RGS7: variants seen among roughly 807,000 people sequenced by gnomAD.
The protein encoded by RGS7 is regulator of G-protein signaling 7.
Under a neutral mutation model 81.1 loss-of-function variants are expected in RGS7, and 27 were observed. The observed-to-expected ratio is 0.33, with a 90% CI of 0.25 to 0.46. The LOEUF (loss-of-function observed/expected upper bound fraction) is 0.46. Among genes scored for constraint, RGS7 ranks in the 20% least tolerant of loss-of-function variants. The probability of loss-of-function intolerance (pLI) is 1.00; values close to 1 mark genes in which losing one functional copy is unlikely to be tolerated. For synonymous variants in RGS7, 208 were observed against 207.7 expected (o/e 1.00, Z -0.01); for missense variants, 396 against 607.4 (o/e 0.65, Z 3.66).
chr1:240,863,517 G>A (rs1315519976), intron 9 of RGS7, among the ~76,000 whole-genome samples: 1 of 152,086 alleles, frequency 6.6e-6, no homozygotes, highest in East Asian at 1.9e-4. Context: ...GATCCTTTTT[G>A]AAATAATAAC....
intron 6 of RGS7, among the ~76,000 whole-genome samples, chr1:240,917,374 T>C (rs573649506): frequency 1.4e-4 from 22 of 152,170 alleles, no homozygotes; most frequent in Non-Finnish European, 2.9e-4. Context: ...AGTTTCTTAA[T>C]TGATCTGATG....
chr1:241,058,566 T>C (rs1039954641), intron 3 of RGS7, among the ~76,000 whole-genome samples: 1 of 152,216 alleles, frequency 6.6e-6, no homozygotes, highest in Non-Finnish European at 1.5e-5. Context: ...AGCCGGTAAC[T>C]TGGGTACCCG....
intron 3 of RGS7, among the ~76,000 whole-genome samples, chr1:240,999,767 A>ATTT (rs35973386): frequency 3.5e-5 from 5 of 144,442 alleles, no homozygotes; most frequent in African/African-American, 1.1e-4. Flanking sequence ...CGCTCGGCTA[A>ATTT]TTTTTTTTTT....
intron 2 of RGS7, among the ~76,000 whole-genome samples, chr1:241,315,307 A>G (rs1573636707): frequency 6.6e-6 from 1 of 150,534 alleles, no homozygotes; most frequent in Admixed American, 6.6e-5. Context: ...ATTAAAGTGG[A>G]CCTCCTACAC....
intron 2 of RGS7, among the ~76,000 whole-genome samples, chr1:241,273,183 C>CT (rs1553305840): frequency 1.6e-5 from 1 of 61,780 alleles, no homozygotes; most frequent in African/African-American, 3.4e-5. Flanking sequence ...GAACCCCCCC[C>CT]CCCAAAGGAT....
chr1:241,191,924 G>A (rs1192660489), intron 2 of RGS7, among the ~76,000 whole-genome samples: 1 of 152,218 alleles, frequency 6.6e-6, no homozygotes, highest in Non-Finnish European at 1.5e-5. Context: ...TAACAGAGAT[G>A]TAAATTCAGG....
At chr1:241,343,429 A>G (rs2082697253) in intron 2 of RGS7, among the ~76,000 whole-genome samples, 1 of 152,210 alleles carries the variant, frequency 6.6e-6, no homozygotes, top group African/African-American at 2.4e-5. Context: ...CCAACTGCCC[A>G]TTGTTAAATG....
Position 240,797,598 on chromosome 1 carries a change from C to T in RGS7, c.*6+3043G>A, listed in dbSNP as rs572299228. On this transcript the variant is annotated intron_variant, in intron 18 of 18. Coordinates refer to ENST00000440928, the MANE Select transcript of RGS7 (RefSeq NM_001364886.1). ...AACTCCTGACCTCAGGTGATCCACC[C>T]GCCTCGGCCTCTCAAAGTGCTGGGA... is the stretch of plus-strand genomic sequence containing the variant. Among the ~76,000 whole-genome samples the T allele has an allele frequency of 1.1e-3, 166 of 152,220 alleles. 1 individual carries two copies. The highest frequency in any genetic ancestry group is 1.8e-3 in the Admixed American group (28 of 15,278).
At chr1:240,895,264 T>TTTTC (rs145285821) in intron 6 of RGS7, among the ~76,000 whole-genome samples, 2,781 of 151,560 alleles carry the variant, frequency 0.018, 30 homozygotes, top group Middle Eastern at 0.031. Flanking sequence ...TTTTCTTTCT[T>TTTTC]TTTCTTTCTT....
intron 2 of RGS7, among the ~76,000 whole-genome samples, chr1:241,343,254 T>G (rs1451579812): frequency 2.1e-5 from 2 of 97,098 alleles, no homozygotes; most frequent in African/African-American, 3.9e-5. Context: ...AGAGCGAGAC[T>G]GTGTCTCAAA....
chr1:240,802,956 G>A lies in RGS7; in HGVS notation c.1307C>T (p.Pro436Leu). 1 of 1,611,978 alleles carries A rather than the reference G, an allele frequency of 6.2e-7. No individual in the cohort carries two copies. The highest frequency in any genetic ancestry group is 8.5e-7 in the Non-Finnish European group (1 of 1,178,254). ...IYKLMKSDSYPRFIRSSAYQE... is the reference protein window; with the variant it reads ...IYKLMKSDSYLRFIRSSAYQE... The stretch of plus-strand genomic sequence containing the variant: ...ATAGGCACTGGATCTTATAAAACGT[G>A]GGTATGAATCACTTTTCATCAGTTT... The change falls in exon 16 of 19, where the codon CCA (proline) becomes CTA (leucine). Residue 436 changes from proline to leucine, a missense_variant. Coordinates refer to ENST00000440928, the MANE Select transcript of RGS7 (RefSeq NM_001364886.1).
chr1:241,107,401 T>TA (rs1312711488), intron 2 of RGS7, among the ~76,000 whole-genome samples: 6 of 152,222 alleles, frequency 3.9e-5, no homozygotes, highest in African/African-American at 1.4e-4. Flanking sequence ...CAGATTACAG[T>TA]ATGTTACTCT....
intron 2 of RGS7, among the ~76,000 whole-genome samples, chr1:241,147,007 G>A (rs112025753): frequency 0.028 from 4,287 of 152,180 alleles, 86 homozygotes; most frequent in Middle Eastern, 0.11. Context: ...AGAAACACTC[G>A]GCTTATAGCA....
chr1:241,125,272 G>A (rs558654821), intron 2 of RGS7, among the ~76,000 whole-genome samples: 8 of 152,176 alleles, frequency 5.3e-5, no homozygotes, highest in East Asian at 1.9e-4. Flanking sequence ...AATGCTACTC[G>A]CTCTAAGCAT....
chr1:240,787,322 C>A (rs1010160909), intron 18 of RGS7, among the ~76,000 whole-genome samples: 1 of 152,142 alleles, frequency 6.6e-6, no homozygotes, highest in Non-Finnish European at 1.5e-5. Context: ...TCCCTGTAGA[C>A]CCTGTATTAC....
At chr1:241,347,909 A>T (rs892215911) in intron 2 of RGS7, among the ~76,000 whole-genome samples, 7 of 152,116 alleles carry the variant, frequency 4.6e-5, no homozygotes, top group Non-Finnish European at 1.0e-4. Context: ...TTGAAAAAAA[A>T]ATAATTTGTT....
chr1:240,926,216 C>G (rs549958456), intron 6 of RGS7, among the ~76,000 whole-genome samples: 2 of 152,066 alleles, frequency 1.3e-5, no homozygotes, highest in Non-Finnish European at 2.9e-5. Flanking sequence ...AATTATTTAC[C>G]AAGGCCATTG....
chr1:241,353,077 C>G (rs1172200291), intron 2 of RGS7, among the ~76,000 whole-genome samples: 2 of 152,204 alleles, frequency 1.3e-5, no homozygotes, highest in African/African-American at 4.8e-5. Flanking sequence ...GTCAATAGAA[C>G]AGCAATTTCT....
chr1:240,922,336 C>T (rs866171861), intron 6 of RGS7, among the ~76,000 whole-genome samples: 2 of 152,086 alleles, frequency 1.3e-5, no homozygotes, highest in African/African-American at 4.8e-5. Flanking sequence ...TTAGACACAA[C>T]ATCAAAAGCA....
Sources: allele counts gnomAD v4.1 joint callset (sites outside exome capture counted in the v4.1 genomes callset), GRCh38; gene constraint gnomAD v4.1.1; transcripts MANE v1.5; gene names NCBI Gene and HGNC (gene_info 2026-07-23, HGNC 2026-07-21).